KALRN: variants seen among roughly 807,000 people sequenced by gnomAD.
The protein encoded by KALRN is kalirin.
KALRN carries 70 observed loss-of-function variants against 353.7 expected under a neutral mutation model. The observed-to-expected ratio is 0.20, with a 90% CI of 0.16 to 0.24. The LOEUF (loss-of-function observed/expected upper bound fraction) is 0.24. Among genes scored for constraint, KALRN ranks in the 10% least tolerant of loss-of-function variants. The pLI, the probability that KALRN is intolerant of heterozygous loss-of-function variation, is 1.00. For synonymous variants in KALRN, 1,391 were observed against 1,434.8 expected, an observed-to-expected ratio of 0.97 and a Z score of 0.69; for missense variants, 2,791 against 3,756.7, an observed-to-expected ratio of 0.74 and a Z score of 6.72.
intron 51 of KALRN, among the ~76,000 whole-genome samples, chr3:124,691,305 G>A (rs1034558563): frequency 6.6e-6 from 1 of 152,156 alleles, no homozygotes; most frequent in Admixed American, 6.5e-5. Context: ...GCGCATGCCT[G>A]TAATCCCAGC....
At chr3:124,059,337 G>C (rs1188664570) in intron 1 of KALRN, among the ~76,000 whole-genome samples, 2 of 151,794 alleles carry the variant, frequency 1.3e-5, no homozygotes, top group African/African-American at 4.8e-5. Flanking sequence ...TTTTGAAATT[G>C]TGGAATGGCT....
intron 1 of KALRN, among the ~76,000 whole-genome samples, chr3:124,224,566 G>A (rs9839631): frequency 0.14 from 21,176 of 152,018 alleles, 2,742 homozygotes; most frequent in East Asian, 0.64. Flanking sequence ...ATGGAAGCTT[G>A]CCTTCTTCAA....
At chr3:124,587,993 C>T (rs992110189) in intron 34 of KALRN, among the ~76,000 whole-genome samples, 1 of 151,886 alleles carries the variant, frequency 6.6e-6, no homozygotes, top group Admixed American at 6.6e-5. Context: ...TGCACTTAGC[C>T]TTTTTGGTTC....
chr3:124,663,106 T>C (rs1018630640), intron 45 of KALRN, among the ~76,000 whole-genome samples: 4 of 152,214 alleles, frequency 2.6e-5, no homozygotes, highest in Admixed American at 1.3e-4. Context: ...CCACCACACC[T>C]GGCTAATTTT....
Position 124,446,259 on chromosome 3 carries a change from G to A in KALRN, c.3412G>A (p.Glu1138Lys). The A allele has an allele frequency of 5.6e-6, 9 of 1,613,660 alleles. No homozygotes were observed. The highest frequency in any genetic ancestry group is 6.8e-6 in the Non-Finnish European group (8 of 1,179,598). Residue 1138 changes from glutamate to lysine, a missense_variant, in exon 20 of 60, where the codon GAG (glutamate) becomes AAG (lysine). Transcript: ENST00000682506. ...LDQCQQYVVFERSAKQALDWI... is the reference protein window; with the variant it reads ...LDQCQQYVVFKRSAKQALDWI... ...CCAATGCCAGCAATATGTGGTGTTC[G>A]AGCGCAGCGCTAAGCAGGTTGTCCA... is the stretch of plus-strand genomic sequence containing the variant.
chr3:124,430,604 C>T lies in KALRN; in HGVS notation c.2710-52C>T, dbSNP rs1483792567. The T allele has an allele frequency of 2.0e-5, 32 of 1,604,318 alleles. No homozygotes were observed. The East Asian group carries it at 6.3e-4, about 31-fold the overall frequency. ...GTCCCCATGAGAGGAGGCAACAGCT[C>T]TGGGGAAACTGCGGAAGGCCATTCA... is the stretch of plus-strand genomic sequence containing the variant. On this transcript the variant is annotated intron_variant, in intron 15 of 59. Coordinates refer to ENST00000682506, the MANE Select transcript of KALRN (RefSeq NM_001388419.1).
At chr3:124,236,315 G>A (rs1455939811) in intron 3 of KALRN, among the ~76,000 whole-genome samples, 1 of 152,154 alleles carries the variant, frequency 6.6e-6, no homozygotes. Context: ...TTATAAAGAA[G>A]AAATACTCTT....
intron 1 of KALRN, among the ~76,000 whole-genome samples, chr3:124,085,433 A>G (rs2060762160): frequency 6.6e-6 from 1 of 152,220 alleles, no homozygotes; most frequent in South Asian, 2.1e-4. Context: ...TGTTATGGAG[A>G]ACCCATCCTG....
At chr3:124,071,498 C>G (rs746133796) in intron 1 of KALRN, among the ~76,000 whole-genome samples, 9 of 152,186 alleles carry the variant, frequency 5.9e-5, no homozygotes, top group Non-Finnish European at 1.0e-4. Flanking sequence ...ACATCTTAGT[C>G]TATCTGTGCT....
chr3:124,268,902 C>T lies in KALRN; in HGVS notation c.616C>T (p.Leu206Phe). The T allele has an allele frequency of 6.2e-7, 1 of 1,614,136 alleles. No individual in the cohort carries two copies. The highest frequency in any genetic ancestry group is 2.2e-5 in the East Asian group (1 of 44,870). Residue 206 changes from leucine (L) to phenylalanine (F), a missense_variant, in exon 5 of 60, where the codon CTC becomes TTC. By Grantham distance (22) the Leu-to-Phe change is conservative. Transcript: ENST00000682506. ...FNSAVHLLSR[L>F]EDLQEMLARK... ...CAGCGCCGTGCACCTGCTCTCGCGC[C>T]TCGAGGACCTCCAGGAGATGCTAGC...
chr3:124,089,641 T>C (rs1044260414), intron 1 of KALRN, among the ~76,000 whole-genome samples: 17 of 143,916 alleles, frequency 1.2e-4, no homozygotes, highest in African/African-American at 4.0e-4. Context: ...TATTTCCAGC[T>C]TTTTTTTTTT....
intron 47 of KALRN, among the ~76,000 whole-genome samples, chr3:124,669,988 G>A (rs796524782): frequency 2.5e-4 from 21 of 83,422 alleles, no homozygotes; most frequent in African/African-American, 9.7e-4. Flanking sequence ...TTCTTTTTTT[G>A]AGACAGAGTC....
chr3:124,149,688 C>T (rs939267587), intron 1 of KALRN, among the ~76,000 whole-genome samples: 3 of 152,190 alleles, frequency 2.0e-5, no homozygotes, highest in African/African-American at 7.2e-5. Flanking sequence ...GGGGATAATA[C>T]TAACCTTCTC....
At chr3:124,576,635 C>T (rs147150558) in intron 34 of KALRN, among the ~76,000 whole-genome samples, 2 of 152,136 alleles carry the variant, frequency 1.3e-5, no homozygotes, top group Admixed American at 1.3e-4. Context: ...TACATCCTTT[C>T]TATTATTGGA....
chr3:124,548,481 A>G (rs373453076), intron 33 of KALRN, among the ~76,000 whole-genome samples: 1 of 152,210 alleles, frequency 6.6e-6, no homozygotes, highest in African/African-American at 2.4e-5. Context: ...TGGAAGGCAA[A>G]ACTGTCCAAT....
At chr3:124,063,140 A>G (rs2042098423) in intron 1 of KALRN, among the ~76,000 whole-genome samples, 2 of 152,138 alleles carry the variant, frequency 1.3e-5, no homozygotes, top group South Asian at 4.1e-4. Flanking sequence ...GGACAGCCGG[A>G]GGTGAGAACA....
chr3:124,288,882 A>T (rs2076180970), intron 5 of KALRN, among the ~76,000 whole-genome samples: 1 of 152,208 alleles, frequency 6.6e-6, no homozygotes, highest in African/African-American at 2.4e-5. Flanking sequence ...AAGGCAGGAA[A>T]AATTAGTAGT....
rs778776390 is a variant in KALRN, at chr3:124,632,632, C to T, written c.5395C>T (p.Arg1799Trp). 7 of 1,614,152 alleles carry T rather than the reference C, an allele frequency of 4.3e-6. No individual in the cohort carries two copies. The highest frequency in any genetic ancestry group is 2.2e-5 in the East Asian group (1 of 44,888). The stretch of plus-strand genomic sequence containing the variant: ...AAAGCAGAAGAAAGTTCGCGATGGT[C>T]GGAAGAGCTTTGACCTGGGATCTCC... ...IKKQKKVRDG[R>W]KSFDLGSPKP... Residue 1799 changes from arginine to tryptophan, a missense_variant, in exon 35 of 60, where the codon CGG becomes TGG. Physicochemically the swap from Arg to Trp is moderately radical, Grantham distance 101. Coordinates refer to ENST00000682506, the MANE Select transcript of KALRN (RefSeq NM_001388419.1).
chr3:124,038,047 C>T (rs559265210), intron 1 of KALRN, among the ~76,000 whole-genome samples: 5 of 152,058 alleles, frequency 3.3e-5, no homozygotes, highest in East Asian at 1.9e-4. Context: ...TGGATGCAGC[C>T]GAAGCTTTGT....
Sources: allele counts gnomAD v4.1 joint callset (sites outside exome capture counted in the v4.1 genomes callset), GRCh38; gene constraint gnomAD v4.1.1; transcripts MANE v1.5; gene names NCBI Gene and HGNC (gene_info 2026-07-23, HGNC 2026-07-21).